Variants in SRPRA observed in about 807,000 individuals in gnomAD.
SRPRA encodes SRP receptor subunit alpha, also known as signal recognition particle receptor subunit alpha.
A neutral mutation model predicts 61.1 loss-of-function variants in SRPRA; 30 were observed. The observed-to-expected ratio is 0.49, with a 90% CI of 0.37 to 0.67. The LOEUF (loss-of-function observed/expected upper bound fraction) is 0.67, where lower values mean the gene tolerates loss of function less well. SRPRA is among the 30% of genes least tolerant of loss of function. SRPRA has a pLI of 0.00. For synonymous variants in SRPRA, 324 were observed against 299.7 expected (o/e 1.08, Z -0.84); for missense variants, 759 against 828.4 (o/e 0.92, Z 1.03).
the SRPRA span, among the ~76,000 whole-genome samples, chr11:126,241,982 G>A: frequency 3.5e-5 from 5 of 142,180 alleles, no homozygotes; most frequent in Non-Finnish European, 6.0e-5. Flanking sequence ...TTGCGGTCGC[G>A]CCACTGCACT....
chr11:126,241,163 CTTG>C, the SRPRA span: 126 of 1,107,486 alleles, frequency 1.1e-4, 1 homozygote, highest in Non-Finnish European at 1.6e-4. Context: ...TCATTTACAG[CTTG>C]TAGGTTTCCA....
the SRPRA span, among the ~76,000 whole-genome samples, chr11:126,255,691 G>A: frequency 2.6e-5 from 4 of 152,118 alleles, no homozygotes; most frequent in Non-Finnish European, 2.9e-5. This position sits in a 1 kb window ranked among gnomAD's most constrained non-coding sequence, Gnocchi z 4.6. Context: ...AAAAAAGTAC[G>A]CCTGTAATCC....
the SRPRA span, among the ~76,000 whole-genome samples, chr11:126,239,157 C>T: frequency 6.6e-6 from 1 of 151,614 alleles, no homozygotes; most frequent in Non-Finnish European, 1.5e-5. Context: ...CTTTGTTTGG[C>T]AGAGATGGGG....
chr11:126,248,154 T>G, the SRPRA span, among the ~76,000 whole-genome samples: 2 of 149,202 alleles, frequency 1.3e-5, no homozygotes, highest in African/African-American at 2.4e-5. Context: ...TCAAGAAAAA[T>G]AAAAATAAAT....
chr11:126,238,368 A>G, the SRPRA span, among the ~76,000 whole-genome samples: 2 of 152,074 alleles, frequency 1.3e-5, no homozygotes, highest in Non-Finnish European at 2.9e-5. Flanking sequence ...GTGTGTACAT[A>G]AGGGGCTTGG....
downstream of SRPRA, chr11:126,262,587 G>C (rs1474299281): frequency 6.0e-6 from 1 of 166,486 alleles, no homozygotes; most frequent in Non-Finnish European, 1.3e-5. Context: ...TAGTTTTCTA[G>C]ATCTTTTACA....
At chr11:126,241,773 C>T in the SRPRA span, among the ~76,000 whole-genome samples, 2 of 152,106 alleles carry the variant, frequency 1.3e-5, no homozygotes, top group Non-Finnish European at 2.9e-5. Context: ...TGGTCTCGAA[C>T]TTCTGACCTC....
At chr11:126,239,137 T>C in the SRPRA span, among the ~76,000 whole-genome samples, 1 of 151,904 alleles carries the variant, frequency 6.6e-6, no homozygotes, top group African/African-American at 2.4e-5. Context: ...AATTTTCTTT[T>C]TCGTTCTTTC....
chr11:126,267,983 C>T lies in SRPRA; in HGVS notation c.201+20G>A. The stretch of plus-strand genomic sequence containing the variant: ...GGCTATGTTAACAATGCAATCGTCC[C>T]TCTACAACACCCCACTTACCACAAA... On this transcript the variant is annotated intron_variant, in intron 2 of 13. Transcript: ENST00000332118. The surrounding 1 kb of genome is among the most constrained non-coding windows in gnomAD (Gnocchi z 4.2). The T allele has an allele frequency of 2.5e-6, 4 of 1,612,790 alleles. No individual in the cohort carries two copies. The highest frequency in any genetic ancestry group is 3.4e-6 in the Non-Finnish European group (4 of 1,178,802).
chr11:126,238,776 C>G, the SRPRA span, among the ~76,000 whole-genome samples: 2 of 152,076 alleles, frequency 1.3e-5, no homozygotes, highest in Non-Finnish European at 2.9e-5. Context: ...CAAAATTCTA[C>G]CAAGGGAATC....
chr11:126,264,664 G>A lies in SRPRA; in HGVS notation c.1526-125C>T. On this transcript the variant is annotated intron_variant, in intron 11 of 13. Transcript: ENST00000332118. The surrounding 1 kb of genome is among the most constrained non-coding windows in gnomAD (Gnocchi z 5.0). The stretch of plus-strand genomic sequence containing the variant: ...TCTTGGGCTCTGGATTTGGTTCCAA[G>A]GTAATGTGAGAAAAACTTGATTATA... 2.5e-6 allele frequency: 3 copies of A among 1,192,774 alleles called. No individual in the cohort carries two copies. The highest frequency in any genetic ancestry group is 1.6e-5 in the South Asian group (1 of 64,334). 73.9% of individuals were successfully genotyped at this position (1,192,774 alleles called of 1,614,324 possible).
the SRPRA span, among the ~76,000 whole-genome samples, chr11:126,257,552 A>G: frequency 1.3e-5 from 2 of 152,166 alleles, no homozygotes; most frequent in Non-Finnish European, 2.9e-5. Context: ...GAGTAAAGGA[A>G]GAAAAAGCAG....
chr11:126,248,358 C>CTTTTT, the SRPRA span, among the ~76,000 whole-genome samples: 3,424 of 36,952 alleles, frequency 0.093, 1,490 homozygotes, highest in African/African-American at 0.18. Flanking sequence ...TAGTAGTTGA[C>CTTTTT]TTTTTTTTTT....
the SRPRA span, chr11:126,250,878 TTC>T: frequency 1.6e-6 from 1 of 618,734 alleles, no homozygotes; most frequent in Non-Finnish European, 2.8e-6. This position sits in a 1 kb window ranked among gnomAD's most constrained non-coding sequence, Gnocchi z 5.1. Flanking sequence ...TTTTTCTTTT[TTC>T]TTTCTTTTTA....
chr11:126,249,008 AT>A, the SRPRA span, among the ~76,000 whole-genome samples: 3 of 152,192 alleles, frequency 2.0e-5, no homozygotes, highest in Admixed American at 2.0e-4. Context: ...ATAGTTCCTC[AT>A]TAGTACTCAG....
rs58893646 is a variant in SRPRA at position 126,264,630 on chromosome 11, T to A, written c.1526-91A>T. On this transcript the variant is annotated intron_variant, in intron 11 of 13. Transcript: ENST00000332118. The surrounding 1 kb of genome is among the most constrained non-coding windows in gnomAD (Gnocchi z 5.0). ...CTCAAAAAGTCCTAGTTTGACTACC[T>A]GTTCACTGTCTTGGGCTCTGGATTT... is the stretch of plus-strand genomic sequence containing the variant. 9.8e-4 allele frequency: 1,430 copies of A among 1,459,422 alleles called. 27 individuals carry two copies. The East Asian group carries it at 0.025, about 26-fold the overall frequency. 90.4% of individuals were successfully genotyped at this position (1,459,422 alleles called of 1,614,324 possible). A position where few individuals can be genotyped will look rare whatever the true frequency, so the allele number is the denominator to read the frequency against.
the SRPRA span, among the ~76,000 whole-genome samples, chr11:126,255,506 T>C: frequency 1.8e-4 from 27 of 152,250 alleles, no homozygotes; most frequent in Admixed American, 1.6e-3. The surrounding 1 kb of genome is among the most constrained non-coding windows in gnomAD (Gnocchi z 4.6). Flanking sequence ...CACACACACA[T>C]ACTGATGTTC....
chr11:126,263,813 ACTACACTGAAGAC>A lies in SRPRA; in HGVS notation c.*90_*102del. On this transcript the variant is annotated 3_prime_UTR_variant, in exon 14 of 14. Coordinates refer to ENST00000332118, the MANE Select transcript of SRPRA (RefSeq NM_003139.4). ...ACAAGCCCCCTCACTCTGCCTTTGTACTACACTGAAGACAGGTTGCTCACATACTCTAAAGCAC... is the reference window on the plus strand; with the variant it reads ...ACAAGCCCCCTCACTCTGCCTTTGTAAGGTTGCTCACATACTCTAAAGCAC... 6.6e-7 allele frequency: 1 copy of A among 1,510,892 alleles called. No individual in the cohort carries two copies. Among genetic ancestry groups the A allele is most frequent in the Non-Finnish European group, 8.9e-7 (1 of 1,118,320 alleles). The allele number at this position is 1,510,892 out of a possible 1,614,324, so 93.6% of individuals were successfully genotyped here. A position where few individuals can be genotyped will look rare whatever the true frequency, so the allele number is the denominator to read the frequency against.
At chr11:126,242,848 C>G in the SRPRA span, among the ~76,000 whole-genome samples, 42 of 152,240 alleles carry the variant, frequency 2.8e-4, no homozygotes, top group African/African-American at 9.4e-4. Context: ...TTCTATGAAC[C>G]AGCAACTGCA....
Sources: gnomAD v4.1 joint callset for allele counts (sites outside exome capture counted in the v4.1 genomes callset) on GRCh38, gnomAD v4.1.1 for gene constraint, Gnocchi (gnomAD v3.1) non-coding constraint, MANE v1.5 for transcripts, NCBI Gene and HGNC (gene_info 2026-07-23, HGNC 2026-07-21) for gene names.